FGD4: variants seen among roughly 807,000 people sequenced by gnomAD.
The protein encoded by FGD4 is FYVE, RhoGEF and PH domain containing 4.
In FGD4, 42 loss-of-function variants were observed where a neutral mutation model predicts 102.0. That is an observed-to-expected ratio of 0.41 (90% CI 0.32 to 0.53). FGD4 has a LOEUF of 0.53. Ranked by LOEUF, FGD4 falls within the 20% of genes least tolerant of loss-of-function variation. The pLI, the probability that FGD4 is intolerant of heterozygous loss-of-function variation, is 0.21. For missense variants in FGD4, 902 were observed against 1,078.2 expected (o/e 0.84, Z 2.29); for synonymous variants, 380 against 375.7 (o/e 1.01, Z -0.13).
chr12:32,525,979 G>T (rs1191008830), intron 1 of FGD4, among the ~76,000 whole-genome samples: 5 of 152,240 alleles, frequency 3.3e-5, no homozygotes, highest in African/African-American at 9.6e-5. Flanking sequence ...CTCCTGTGCG[G>T]CCCGAGCCTC....
chr12:32,632,234 G>GTAAT (rs1221768098), intron 14 of FGD4, among the ~76,000 whole-genome samples: 1 of 152,198 alleles, frequency 6.6e-6, no homozygotes, highest in African/African-American at 2.4e-5. Flanking sequence ...TCACTAAGAA[G>GTAAT]TAATACACAT....
chr12:32,610,694 T>G (rs1949083408), intron 8 of FGD4, 82 bp from the exon 9 acceptor site: 1 of 1,299,628 alleles, frequency 7.7e-7, no homozygotes, highest in Admixed American at 1.8e-5. Context: ...CTCAGACTTC[T>G]TAATTTAGTA....
At chr12:32,632,143 G>A (rs187573489) in intron 14 of FGD4, among the ~76,000 whole-genome samples, 1 of 151,986 alleles carries the variant, frequency 6.6e-6, no homozygotes, top group East Asian at 1.9e-4. Flanking sequence ...AAACTGAGGG[G>A]GAAATACACT....
chr12:32,575,117 C>T (rs1311187440), intron 2 of FGD4, among the ~76,000 whole-genome samples: 1 of 152,052 alleles, frequency 6.6e-6, no homozygotes, highest in Non-Finnish European at 1.5e-5. Flanking sequence ...TTTATTTATC[C>T]TATTAATTGA....
chr12:32,435,374 A>G (rs1942193775), intron 1 of FGD4, among the ~76,000 whole-genome samples: 1 of 152,192 alleles, frequency 6.6e-6, no homozygotes, highest in South Asian at 2.1e-4. Context: ...CAGGCTGTTT[A>G]TTTATAAAAT....
At chr12:32,495,205 G>A (rs1937721318) in intron 1 of FGD4, among the ~76,000 whole-genome samples, 1 of 151,970 alleles carries the variant, frequency 6.6e-6, no homozygotes, top group Non-Finnish European at 1.5e-5. Flanking sequence ...TTAGAGGAAG[G>A]CCTCAAAGCT....
chr12:32,538,988 AG>A (rs550676370), intron 1 of FGD4, among the ~76,000 whole-genome samples: 84 of 152,212 alleles, frequency 5.5e-4, no homozygotes, highest in African/African-American at 1.7e-3. Context: ...CAGGAGGTGG[AG>A]GTTGCAGTGA....
At chr12:32,505,288 A>G (rs1938602593) in intron 1 of FGD4, among the ~76,000 whole-genome samples, 1 of 152,210 alleles carries the variant, frequency 6.6e-6, no homozygotes, top group Non-Finnish European at 1.5e-5. Context: ...AGTTAATTGT[A>G]TGCATCAGCA....
At chr12:32,500,594 C>T (rs1259421232) in intron 1 of FGD4, among the ~76,000 whole-genome samples, 10 of 151,744 alleles carry the variant, frequency 6.6e-5, no homozygotes, top group East Asian at 3.9e-4. Context: ...CCACCATGCC[C>T]GGCTAATTTT....
chr12:32,629,900 T>G (rs1172604630), intron 14 of FGD4, among the ~76,000 whole-genome samples: 2 of 152,228 alleles, frequency 1.3e-5, no homozygotes, highest in Non-Finnish European at 2.9e-5. Context: ...TTGTTTCTAC[T>G]AAATTCTAGT....
chr12:32,609,991 A>C (rs1257584625), intron 8 of FGD4, among the ~76,000 whole-genome samples: 2 of 152,198 alleles, frequency 1.3e-5, no homozygotes, highest in African/African-American at 4.8e-5. Flanking sequence ...TGCCCCAGGA[A>C]CAAAACCCTC....
chr12:32,623,977 TAG>T (rs1190531766), intron 11 of FGD4, among the ~76,000 whole-genome samples: 1 of 152,172 alleles, frequency 6.6e-6, no homozygotes, highest in Non-Finnish European at 1.5e-5. Flanking sequence ...AAATGTTAAA[TAG>T]CTCCCTAAGG....
At chr12:32,476,481 A>G (rs569629077) in intron 1 of FGD4, among the ~76,000 whole-genome samples, 17 of 152,274 alleles carry the variant, frequency 1.1e-4, no homozygotes, top group South Asian at 4.1e-4. Context: ...CTGAGGTTTT[A>G]GTTGGAATTG....
At chr12:32,600,588 C>CTTTTTTTTTTTTTTT (rs1245510421) in intron 5 of FGD4, 56 of 256,584 alleles carry the variant, frequency 2.2e-4, no homozygotes, top group African/African-American at 1.8e-3. Flanking sequence ...TTCTTTCTTT[C>CTTTTTTTTTTTTTTT]TTTCTTTTTT....
intron 1 of FGD4, among the ~76,000 whole-genome samples, chr12:32,449,295 A>T (rs901894229): frequency 1.3e-5 from 2 of 152,258 alleles, no homozygotes; most frequent in African/African-American, 4.8e-5. Context: ...TGTAATTCCC[A>T]GATCCCATTT....
At chr12:32,461,393 C>T (rs559921707) in intron 1 of FGD4, among the ~76,000 whole-genome samples, 6 of 152,264 alleles carry the variant, frequency 3.9e-5, no homozygotes, top group Non-Finnish European at 8.8e-5. Flanking sequence ...GTCTTAGGAG[C>T]TCACATGTTA....
intron 1 of FGD4, among the ~76,000 whole-genome samples, chr12:32,419,534 G>A (rs1023740318): frequency 2.6e-5 from 4 of 151,722 alleles, no homozygotes; most frequent in Non-Finnish European, 1.5e-5. Flanking sequence ...GGATGGGGGA[G>A]GCATGGCAGA....
chr12:32,603,740 T>A (rs1460511821), intron 7 of FGD4, among the ~76,000 whole-genome samples: 1 of 151,902 alleles, frequency 6.6e-6, no homozygotes, highest in Non-Finnish European at 1.5e-5. Context: ...CTTGCTCTTG[T>A]CACCCAGGCT....
chr12:32,430,901 GA>G (rs1164861422), intron 1 of FGD4, among the ~76,000 whole-genome samples: 1 of 152,172 alleles, frequency 6.6e-6, no homozygotes, highest in Non-Finnish European at 1.5e-5. Context: ...TGAAAACATT[GA>G]AAAGAAGGGA....
Sources: allele counts gnomAD v4.1 joint callset (sites outside exome capture counted in the v4.1 genomes callset), GRCh38; gene constraint gnomAD v4.1.1; transcripts MANE v1.5; gene names NCBI Gene and HGNC (gene_info 2026-07-23, HGNC 2026-07-21).